IREB2: variants seen among roughly 807,000 people sequenced by gnomAD.
The protein encoded by IREB2 is iron-responsive element-binding protein 2.
In IREB2, 39 loss-of-function variants were observed where a neutral mutation model predicts 118.8. That is an observed-to-expected ratio of 0.33 (90% CI 0.25 to 0.43). IREB2 has a LOEUF of 0.43. IREB2 is among the 20% of genes least tolerant of loss of function. The pLI is 1.00. For missense variants in IREB2, 900 were observed against 1,147.3 expected, an observed-to-expected ratio of 0.78 and a Z score of 3.11; for synonymous variants, 372 against 392.2, an observed-to-expected ratio of 0.95 and a Z score of 0.61.
At chr15:78,486,385 T>A (rs2051659966) in intron 13 of IREB2, among the ~76,000 whole-genome samples, 1 of 152,104 alleles carries the variant, frequency 6.6e-6, no homozygotes, top group South Asian at 2.1e-4. Flanking sequence ...GGCAGGCAAA[T>A]CATGAGGCCA....
intron 8 of IREB2, chr15:78,473,680 G>A (rs1371803832): frequency 4.0e-6 from 1 of 251,334 alleles, no homozygotes; most frequent in African/African-American, 2.3e-5. Flanking sequence ...GTACAGTAGG[G>A]TTTAGTGACT....
In IREB2 at chr15:78,438,255, T is replaced by A. The variant is rs1450473775; in HGVS notation, c.-83T>A. 2 of 1,092,260 alleles carry A rather than the reference T, an allele frequency of 1.8e-6. No homozygotes were observed. The highest frequency in any genetic ancestry group is 3.1e-5 in the African/African-American group (2 of 64,360). The allele number at this position is 1,092,260 out of a possible 1,614,324, so 67.7% of individuals were successfully genotyped here. On this transcript the variant is annotated 5_prime_UTR_variant, in exon 1 of 22. Coordinates refer to ENST00000258886, the MANE Select transcript of IREB2 (RefSeq NM_004136.4). ...CTTTCCTCCCTTGCCAGTCCGCCTG[T>A]CTTCCTCCCCGTCTTCCCTGCCCGG...
chr15:78,440,430 C>T (rs949165152), intron 2 of IREB2, among the ~76,000 whole-genome samples: 2 of 151,340 alleles, frequency 1.3e-5, no homozygotes, highest in African/African-American at 2.4e-5. Flanking sequence ...GTGTTGTGAT[C>T]ATAGCTCATA....
At chr15:78,444,387 G>C (rs1303731115) in intron 2 of IREB2, among the ~76,000 whole-genome samples, 1 of 152,342 alleles carries the variant, frequency 6.6e-6, no homozygotes, top group East Asian at 1.9e-4. Context: ...TGGCTGGAGT[G>C]AAAGGTAGTT....
Position 78,488,180 on chromosome 15 carries a change from G to T in IREB2, c.1795G>T (p.Gly599Cys). Residue 599 changes from glycine (G) to cysteine (C), a missense_variant and splice_region_variant, in exon 15 of 22, where the codon GGT (glycine) becomes TGT (cysteine). By Grantham distance (159) the Gly-to-Cys change is radical. Coordinates refer to ENST00000258886, the MANE Select transcript of IREB2 (RefSeq NM_004136.4). ...SDAVLNAVKQ[G>C]DLVTCGILSG... is the part of the protein sequence containing the mutation. ...GTTTGTGTGTTTGTGTTTTTTTCAG[G>T]GTGATTTGGTTACCTGTGGAATTTT... 6.2e-7 allele frequency: 1 copy of T among 1,601,532 alleles called. No individual in the cohort carries two copies.
rs756122305 is a variant in IREB2 at position 78,438,377 on chromosome 15, C to A, written c.19+21C>A. 8 of 1,594,500 alleles carry A rather than the reference C, an allele frequency of 5.0e-6. 1 individual carries two copies. In the South Asian group the frequency reaches 9.1e-5, roughly 18 times the overall value. ...AGCAGGTCAGTTTCGGGCCTCCGAG[C>A]TGGGTCTGGCAGTTGGAAACGCGCG... On this transcript the variant is annotated intron_variant, in intron 1 of 21. Coordinates refer to ENST00000258886, the MANE Select transcript of IREB2 (RefSeq NM_004136.4).
intron 10 of IREB2, chr15:78,481,741 T>G (rs965523340): frequency 6.6e-6 from 1 of 151,224 alleles, no homozygotes; most frequent in Admixed American, 6.6e-5. Flanking sequence ...CCTCAAGTGA[T>G]CCACCCGCCT....
intron 10 of IREB2, among the ~76,000 whole-genome samples, chr15:78,482,839 C>G (rs2051598004): frequency 6.6e-6 from 1 of 152,070 alleles, no homozygotes; most frequent in South Asian, 2.1e-4. Flanking sequence ...GCTCCGCCTC[C>G]TGGGTTCACG....
chr15:78,439,602 C>T (rs1033129360), intron 1 of IREB2, among the ~76,000 whole-genome samples, 193 bp from the exon 2 acceptor site: 1 of 152,174 alleles, frequency 6.6e-6, no homozygotes. Flanking sequence ...AAATTCAGTT[C>T]CTCAGGCACG....
At chr15:78,490,369 T>C (rs2051729585) in intron 16 of IREB2, 53 bp from the exon 17 acceptor site, 3 of 1,196,524 alleles carry the variant, frequency 2.5e-6, no homozygotes, top group Middle Eastern at 2.0e-4. Context: ...GCGCCTCTTT[T>C]TCTGAGTCCT....
chr15:78,497,232 C>G lies in IREB2; in HGVS notation c.2702C>G (p.Ser901Cys). The G allele has an allele frequency of 6.2e-7, 1 of 1,613,854 alleles. No homozygotes were observed. The highest frequency in any genetic ancestry group is 8.5e-7 in the Non-Finnish European group (1 of 1,179,740). ...LQFLPGENADSLGLSGRETFS... is the reference protein window; with the variant it reads ...LQFLPGENADCLGLSGRETFS... ...TTCCTTCCAGGAGAAAATGCAGATT[C>G]CTTGGGCCTCTCCGGTAGAGAAACA... Residue 901 changes from serine to cysteine, a missense_variant, in exon 21 of 22, where the codon TCC (serine) becomes TGC (cysteine). Coordinates refer to ENST00000258886, the MANE Select transcript of IREB2 (RefSeq NM_004136.4).
Position 78,501,332 on chromosome 15 carries a change from T to C in IREB2, c.*3189T>C, listed in dbSNP as rs1348065377. 4 of 152,634 alleles carry C rather than the reference T, an allele frequency of 2.6e-5. No individual in the cohort carries two copies. The highest frequency in any genetic ancestry group is 2.6e-4 in the Admixed American group (4 of 15,276). 9.5% of individuals were successfully genotyped at this position (152,634 alleles called of 1,614,324 possible). ...AGCCAACAAAACAGTGTAACAGTTT[T>C]AAGTTCAATAATGTTAAGTATTGTA... is the stretch of plus-strand genomic sequence containing the variant. On this transcript the variant is annotated 3_prime_UTR_variant, in exon 22 of 22. Coordinates refer to ENST00000258886, the MANE Select transcript of IREB2 (RefSeq NM_004136.4).
chr15:78,474,338 T>C (rs2051428842), intron 8 of IREB2: 1 of 152,250 alleles, frequency 6.6e-6, no homozygotes, highest in Non-Finnish European at 1.5e-5. Flanking sequence ...GCATTTGGTA[T>C]TGATCCTTCT....
intron 2 of IREB2, among the ~76,000 whole-genome samples, chr15:78,457,915 T>C (rs2051132726): frequency 2.6e-5 from 4 of 152,182 alleles, no homozygotes; most frequent in Admixed American, 2.6e-4. Flanking sequence ...TCCCCTGTAA[T>C]TCCCCTTGGT....
chr15:78,440,950 A>G (rs540350492), intron 2 of IREB2, among the ~76,000 whole-genome samples: 1 of 152,326 alleles, frequency 6.6e-6, no homozygotes, highest in East Asian at 1.9e-4. Context: ...GCCAATAGAG[A>G]GACCTCTTTA....
chr15:78,444,817 C>G (rs935754241), intron 2 of IREB2, among the ~76,000 whole-genome samples: 1 of 152,052 alleles, frequency 6.6e-6, no homozygotes, highest in Non-Finnish European at 1.5e-5. Context: ...GTATCCCTTG[C>G]TATCTGAATC....
chr15:78,462,862 T>G, intron 2 of IREB2, 60 bp from the exon 3 acceptor site: 1 of 1,304,244 alleles, frequency 7.7e-7, no homozygotes. Context: ...CTATGGCATT[T>G]TAAAAATAAT....
intron 10 of IREB2, among the ~76,000 whole-genome samples, chr15:78,481,026 T>C (rs2051560225): frequency 1.3e-5 from 2 of 151,190 alleles, no homozygotes; most frequent in Middle Eastern, 6.8e-3. Flanking sequence ...AAAAAAAATT[T>C]CCCAGCAGAC....
intron 7 of IREB2, 48 bp from the exon 8 acceptor site, chr15:78,473,194 A>G (rs1596001897): frequency 6.4e-7 from 1 of 1,558,328 alleles, no homozygotes; most frequent in Non-Finnish European, 8.8e-7. Flanking sequence ...ACAGAGATAA[A>G]TGATCTTTAA....
Sources: gnomAD v4.1 joint callset for allele counts (sites outside exome capture counted in the v4.1 genomes callset) on GRCh38, gnomAD v4.1.1 for gene constraint, MANE v1.5 for transcripts, NCBI Gene and HGNC (gene_info 2026-07-23, HGNC 2026-07-21) for gene names.